CPO: variants seen among roughly 807,000 people sequenced by gnomAD.
The protein encoded by CPO is metallocarboxypeptidase C.
Under a neutral mutation model 41.2 loss-of-function variants are expected in CPO, and 43 were observed. That is an observed-to-expected ratio of 1.04 (90% CI 0.82 to 1.35). The LOEUF (loss-of-function observed/expected upper bound fraction) is 1.35. Ranked by LOEUF, CPO falls within the 40% of genes most tolerant of loss-of-function variation. CPO has a pLI of 0.00. For missense variants in CPO, 408 were observed against 451.7 expected, an observed-to-expected ratio of 0.90 and a Z score of 0.88; for synonymous variants, 178 against 162.7, an observed-to-expected ratio of 1.09 and a Z score of -0.72.
intron 6 of CPO, among the ~76,000 whole-genome samples, chr2:206,961,311 T>C (rs1324130425): frequency 6.6e-6 from 1 of 152,134 alleles, no homozygotes; most frequent in African/African-American, 2.4e-5. Flanking sequence ...AAAGCAAACA[T>C]TTTTCTCTCC....
intron 1 of CPO, among the ~76,000 whole-genome samples, chr2:206,948,165 A>G (rs1317640543): frequency 6.6e-6 from 1 of 152,234 alleles, no homozygotes; most frequent in African/African-American, 2.4e-5. Flanking sequence ...CATATCTTGG[A>G]AGCAACCAGG....
At chr2:206,957,986 T>C (rs1461930930) in intron 3 of CPO, among the ~76,000 whole-genome samples, 1 of 152,246 alleles carries the variant, frequency 6.6e-6, no homozygotes, top group Non-Finnish European at 1.5e-5. Flanking sequence ...TTTTAGCTTG[T>C]GGATTAGGGG....
intron 1 of CPO, among the ~76,000 whole-genome samples, chr2:206,942,423 G>T (rs1399299650): frequency 6.6e-6 from 1 of 151,766 alleles, no homozygotes; most frequent in Non-Finnish European, 1.5e-5. Flanking sequence ...TGTTAATTTT[G>T]TAAGCAGAAA....
intron 1 of CPO, among the ~76,000 whole-genome samples, chr2:206,948,590 CTTGTCTCTACAAAAATTAAAAA>C (rs1693191968): frequency 6.6e-6 from 1 of 152,080 alleles, no homozygotes; most frequent in South Asian, 2.1e-4. Context: ...ACAGTGAGAC[CTTGTCTCTACAAAAATTAAAAA>C]TTAGCGGAGT....
chr2:206,958,092 C>A (rs1425255247), intron 3 of CPO, among the ~76,000 whole-genome samples: 2 of 152,130 alleles, frequency 1.3e-5, no homozygotes, highest in Non-Finnish European at 2.9e-5. Context: ...GTCCTGAGAA[C>A]AACCATCAAG....
chr2:206,969,173 G>GA lies in CPO; in HGVS notation c.863dup (p.Tyr288Ter). On this transcript the variant is annotated stop_gained and frameshift_variant and splice_region_variant. Transcript: ENST00000272852. LOFTEE classifies it high-confidence loss of function. The part of the protein sequence containing the change: ...YRVGSSADIL[Y>*]ASSGSSRDWA... ...CTCTGCCTTCATGTTTTCACCTGTA[G>GA]ATGCCTCATCAGGGTCTTCAAGAGA... 1 of 1,614,008 alleles carries GA rather than the reference G, an allele frequency of 6.2e-7. No individual in the cohort carries two copies. Among genetic ancestry groups the GA allele is most frequent in the Non-Finnish European group, 8.5e-7 (1 of 1,179,864 alleles).
At chr2:206,947,212 A>C (rs2105819861) in intron 1 of CPO, among the ~76,000 whole-genome samples, 1 of 152,282 alleles carries the variant, frequency 6.6e-6, no homozygotes, top group Admixed American at 6.5e-5. Flanking sequence ...TGTTATTGGT[A>C]ACAAAATTAA....
chr2:206,944,688 G>A (rs1179282401), intron 1 of CPO, among the ~76,000 whole-genome samples: 1 of 151,890 alleles, frequency 6.6e-6, no homozygotes, highest in Non-Finnish European at 1.5e-5. Context: ...CTTTAATTTT[G>A]AGGACAAAGA....
intron 2 of CPO, among the ~76,000 whole-genome samples, chr2:206,950,036 T>A (rs934398443): frequency 6.6e-6 from 1 of 152,224 alleles, no homozygotes; most frequent in Admixed American, 6.5e-5. Context: ...TTAGCAAGTT[T>A]AAGCTGGGCA....
chr2:206,968,988 T>A (rs542412923), intron 8 of CPO, among the ~76,000 whole-genome samples, 186 bp from the exon 9 acceptor site: 1 of 152,316 alleles, frequency 6.6e-6, no homozygotes, highest in African/African-American at 2.4e-5. Flanking sequence ...AGATACTGAA[T>A]AAGACGTGGT....
chr2:206,949,071 TG>T (rs746649811), intron 1 of CPO, among the ~76,000 whole-genome samples: 3 of 137,864 alleles, frequency 2.2e-5, no homozygotes, highest in Non-Finnish European at 4.7e-5. Flanking sequence ...GATAAACCAT[TG>T]CAAAAAAAAA....
intron 1 of CPO, among the ~76,000 whole-genome samples, chr2:206,940,507 T>TTTTG (rs139401383): frequency 0.011 from 1,673 of 152,166 alleles, 37 homozygotes; most frequent in African/African-American, 0.038. Context: ...AGAGTAAATA[T>TTTTG]TTTATTACTA....
chr2:206,959,517 G>C, intron 4 of CPO, 114 bp from the exon 5 acceptor site: 1 of 620,012 alleles, frequency 1.6e-6, no homozygotes, highest in African/African-American at 1.8e-5. Flanking sequence ...CTTGGGGACT[G>C]GAGGGTGGAG....
Position 206,949,704 on chromosome 2 carries a change from C to T in CPO, c.156C>T (p.Pro52=), listed in dbSNP as rs764380322. Residue 52 remains proline (P), a synonymous_variant, in exon 2 of 9, where the codon CCC becomes CCT. Transcript: ENST00000272852. Reference sequence around the variant, plus strand: ...CGTATTCCTATAACATATACCACCCCATGGGAGAGGTAAGGAAGGACACAT... The same window carrying T: ...CGTATTCCTATAACATATACCACCCTATGGGAGAGGTAAGGAAGGACACAT... ...LETYSYNIYH[P]MGEIYEWMRE... 3.1e-6 allele frequency: 5 copies of T among 1,607,818 alleles called. No homozygotes were observed. Among genetic ancestry groups the T allele is most frequent in the Non-Finnish European group, 4.3e-6 (5 of 1,174,654 alleles).
At chr2:206,961,451 T>C (rs576606349) in intron 6 of CPO, among the ~76,000 whole-genome samples, 59 of 152,230 alleles carry the variant, frequency 3.9e-4, no homozygotes, top group African/African-American at 1.3e-3. Context: ...GGCAGCTGTG[T>C]GGTCTTGAAA....
At chr2:206,944,657 T>C (rs1052289416) in intron 1 of CPO, among the ~76,000 whole-genome samples, 2 of 152,052 alleles carry the variant, frequency 1.3e-5, no homozygotes, top group African/African-American at 4.8e-5. Context: ...GCAAACTTCA[T>C]TGAACAATGT....
At chr2:206,963,606 T>C (rs1693519902) in intron 7 of CPO, among the ~76,000 whole-genome samples, 1 of 152,364 alleles carries the variant, frequency 6.6e-6, no homozygotes. Flanking sequence ...ATTTATCTTT[T>C]TATGACTGGC....
At chr2:206,958,490 T>C (rs1693415394) in intron 4 of CPO, 85 bp downstream of exon 4, 3 of 698,936 alleles carry the variant, frequency 4.3e-6, no homozygotes, top group Non-Finnish European at 7.4e-6. Context: ...CCACGCTTCT[T>C]TCACATGTTA....
At chr2:206,954,195 C>T (rs549601494) in intron 2 of CPO, among the ~76,000 whole-genome samples, 15 of 152,292 alleles carry the variant, frequency 9.8e-5, no homozygotes, top group Middle Eastern at 3.4e-3. Flanking sequence ...CTGCAGCAGG[C>T]TTGAATTTCT....
Sources: allele counts gnomAD v4.1 joint callset (sites outside exome capture counted in the v4.1 genomes callset), GRCh38; gene constraint gnomAD v4.1.1; transcripts MANE v1.5; gene names NCBI Gene and HGNC (gene_info 2026-07-23, HGNC 2026-07-21).